The following DNAH9 variants were observed in gnomAD, a reference collection of about 807,000 sequenced individuals.
DNAH9 encodes the protein DNAH9 variant protein.
In DNAH9, 345 loss-of-function variants were observed where a neutral mutation model predicts 471.6. The observed-to-expected ratio is 0.73, with a 90% CI of 0.67 to 0.80. The LOEUF is 0.80. Ranked by LOEUF, DNAH9 falls within the 30% of genes least tolerant of loss-of-function variation. The pLI, the probability that DNAH9 is intolerant of heterozygous loss-of-function variation, is 0.00. For synonymous variants in DNAH9, 2,093 were observed against 2,123.6 expected, an observed-to-expected ratio of 0.99 and a Z score of 0.40; for missense variants, 5,407 against 5,609.2, an observed-to-expected ratio of 0.96 and a Z score of 1.15.
In DNAH9 at chr17:11,822,484, G is replaced by A. The variant is rs762475800; in HGVS notation, c.8897G>A (p.Ser2966Asn). ...SPVGNKLRVR[S>N]RKFPAIVNCT... ...GTGGGAAACAAGCTAAGAGTCCGCA[G>A]CAGGAAGTTCCCAGCCATTGTGAAC... is the stretch of plus-strand genomic sequence containing the variant. The change falls in exon 47 of 69, where the codon AGC (serine) becomes AAC (asparagine). Residue 2966 changes from serine (S) to asparagine (N), a missense_variant. Ser to Asn is a conservative substitution (Grantham distance 46). Around this residue, in one of 3 missense-constraint regions of DNAH9, gnomAD observed 4,636 missense variants for 4,900.3 expected, o/e 0.95. Coordinates refer to ENST00000262442, the MANE Select transcript of DNAH9 (RefSeq NM_001372.4). The A allele has an allele frequency of 1.2e-6, 2 of 1,614,178 alleles. No homozygotes were observed. The highest frequency in any genetic ancestry group is 1.7e-5 in the Admixed American group (1 of 60,022).
Position 11,787,880 on chromosome 17 carries a change from T to C in DNAH9, c.8061+3341T>C, listed in dbSNP as rs576106506. Among the ~76,000 whole-genome samples, 491 of 152,312 alleles carry C rather than the reference T, an allele frequency of 3.2e-3. 4 individuals are homozygous for C. Among genetic ancestry groups the C allele is most frequent in the Middle Eastern group, 0.014 (4 of 294 alleles). On this transcript the variant is annotated intron_variant, in intron 41 of 68. Coordinates refer to ENST00000262442, the MANE Select transcript of DNAH9 (RefSeq NM_001372.4). ...GCCACCACCATGTAAGAAGTGCCTTTTGCCTCCCACCGTGGTTCTGAGGCC... is the reference window on the plus strand; with the variant it reads ...GCCACCACCATGTAAGAAGTGCCTTCTGCCTCCCACCGTGGTTCTGAGGCC...
chr17:11,638,695 A>T (rs1003921097), intron 9 of DNAH9, among the ~76,000 whole-genome samples: 1 of 152,070 alleles, frequency 6.6e-6, no homozygotes, highest in Non-Finnish European at 1.5e-5. Flanking sequence ...CTCAGCTCAC[A>T]CTTCTGTAGG....
chr17:11,825,110 C>A (rs951583528), intron 48 of DNAH9, among the ~76,000 whole-genome samples: 1 of 152,258 alleles, frequency 6.6e-6, no homozygotes, highest in Non-Finnish European at 1.5e-5. Context: ...AAAACCTCTT[C>A]TTAGGATTCC....
rs907744162 is a variant in DNAH9, at chr17:11,652,653, A to T, written c.2354-108A>T. On this transcript the variant is annotated intron_variant, in intron 13 of 68. Coordinates refer to ENST00000262442, the MANE Select transcript of DNAH9 (RefSeq NM_001372.4). ...GATAATGAAGTTACCTGTGTAGAAA[A>T]GTCTTATAACACTCGCAAGTATTAA... 4 of 1,053,434 alleles carry T rather than the reference A, an allele frequency of 3.8e-6. No individual in the cohort carries two copies. The African/African-American group carries it at 6.4e-5, about 17-fold the overall frequency. The allele number at this position is 1,053,434 out of a possible 1,614,324, so 65.3% of individuals were successfully genotyped here.
intron 19 of DNAH9, among the ~76,000 whole-genome samples, chr17:11,689,334 A>T (rs868365289): frequency 6.6e-6 from 1 of 150,834 alleles, no homozygotes. Flanking sequence ...CCTTCTTCCA[A>T]TGCCCACTCC....
chr17:11,758,097 C>A (rs1247568389), intron 35 of DNAH9, among the ~76,000 whole-genome samples: 2 of 152,114 alleles, frequency 1.3e-5, no homozygotes, highest in Non-Finnish European at 2.9e-5. Flanking sequence ...TTATTGGTGA[C>A]CTGTGGGGCC....
At chr17:11,827,768 C>A (rs897847496) in intron 48 of DNAH9, among the ~76,000 whole-genome samples, 1 of 152,042 alleles carries the variant, frequency 6.6e-6, no homozygotes, top group Non-Finnish European at 1.5e-5. Flanking sequence ...TCACCGCAAC[C>A]TCCGCCTCCC....
chr17:11,823,929 C>CAA (rs369941815), intron 48 of DNAH9, among the ~76,000 whole-genome samples: 5 of 128,714 alleles, frequency 3.9e-5, no homozygotes, highest in African/African-American at 1.4e-4. Context: ...GACTCCATCT[C>CAA]AAAAAAAAAA....
intron 35 of DNAH9, among the ~76,000 whole-genome samples, chr17:11,763,055 C>T (rs996666005): frequency 6.6e-6 from 1 of 151,868 alleles, no homozygotes; most frequent in African/African-American, 2.4e-5. Context: ...CTGGGATTAC[C>T]GTTGAGGTGC....
At chr17:11,805,523 CTTTTTTTTTTTTTTTTTTTTTTT>C (rs773842478) in intron 43 of DNAH9, among the ~76,000 whole-genome samples, 30 of 52,090 alleles carry the variant, frequency 5.8e-4, no homozygotes, top group South Asian at 4.2e-3. Context: ...TACCCGAGTT[CTTTTTTTTTTTTTTTTTTTTTTT>C]TTTTTTTTTT....
chr17:11,851,524 C>A (rs557089944), intron 49 of DNAH9, among the ~76,000 whole-genome samples: 1 of 152,256 alleles, frequency 6.6e-6, no homozygotes, highest in African/African-American at 2.4e-5. Flanking sequence ...AGTCAATACA[C>A]TGAAAGAAGG....
chr17:11,905,930 A>C (rs571076122), intron 61 of DNAH9, 121 bp downstream of exon 61: 5 of 1,273,940 alleles, frequency 3.9e-6, no homozygotes, highest in Non-Finnish European at 5.2e-6. Context: ...CAAATCATAC[A>C]GAAGTCAGGG....
intron 7 of DNAH9, among the ~76,000 whole-genome samples, chr17:11,631,377 A>G (rs1047047222): frequency 1.1e-4 from 16 of 152,162 alleles, no homozygotes; most frequent in African/African-American, 3.4e-4. Context: ...AGTTGGCCAG[A>G]CCCAGGAAGA....
chr17:11,929,953 T>C lies in DNAH9; in HGVS notation c.11965T>C (p.Phe3989Leu). The change falls in exon 63 of 69, where the codon TTC (phenylalanine) becomes CTC (leucine). Residue 3989 changes from phenylalanine (F) to leucine (L), a missense_variant. Phe to Leu is a conservative substitution (Grantham distance 22). Around this residue, in one of 3 missense-constraint regions of DNAH9, gnomAD observed 4,636 missense variants for 4,900.3 expected, o/e 0.95. Transcript: ENST00000262442. ...SENSHPEFRVFMSAEPAPSPE... is the reference protein window; with the variant it reads ...SENSHPEFRVLMSAEPAPSPE... ...GAACAGCCACCCAGAGTTCAGGGTC[T>C]TCATGAGTGCAGAGCCAGCACCCTC... is the stretch of plus-strand genomic sequence containing the variant. 6.2e-7 allele frequency: 1 copy of C among 1,613,968 alleles called. No homozygotes were observed. Among genetic ancestry groups the C allele is most frequent in the Non-Finnish European group, 8.5e-7 (1 of 1,179,958 alleles).
At chr17:11,742,482 T>C (rs2075446996) in intron 30 of DNAH9, among the ~76,000 whole-genome samples, 169 bp downstream of exon 30, 1 of 152,216 alleles carries the variant, frequency 6.6e-6, no homozygotes, top group South Asian at 2.1e-4. Context: ...ATGATTTATG[T>C]TCACTTTTTT....
rs186946259 is a variant in DNAH9, at chr17:11,763,014, C to T, written c.6996-426C>T. Among the ~76,000 whole-genome samples, 388 of 152,030 alleles carry T rather than the reference C, an allele frequency of 2.6e-3. 3 individuals are homozygous for T. Among genetic ancestry groups the T allele is most frequent in the African/African-American group, 8.5e-3 (352 of 41,462 alleles). ...CAGAATGGTCTCGATCTCCTGACCT[C>T]GTGATCCTCCCTCCTCAGCCTCCCA... is the stretch of plus-strand genomic sequence containing the variant. On this transcript the variant is annotated intron_variant, in intron 35 of 68. Coordinates refer to ENST00000262442, the MANE Select transcript of DNAH9 (RefSeq NM_001372.4).
At chr17:11,913,564 C>T (rs1419743830) in intron 61 of DNAH9, among the ~76,000 whole-genome samples, 2 of 152,048 alleles carry the variant, frequency 1.3e-5, no homozygotes, top group Non-Finnish European at 2.9e-5. Flanking sequence ...GAGCGGATCA[C>T]GAGGTCAGGA....
Position 11,623,384 on chromosome 17 carries a change from C to G in DNAH9, c.1350+3603C>G, listed in dbSNP as rs2072911979. 6.6e-6 allele frequency among the ~76,000 whole-genome samples: 1 copy of G among 152,038 alleles called. No individual in the cohort carries two copies. Among genetic ancestry groups the G allele is most frequent in the African/African-American group, 2.4e-5 (1 of 41,412 alleles). On this transcript the variant is annotated intron_variant, in intron 6 of 68. Transcript: ENST00000262442. This position sits in a 1 kb window ranked among gnomAD's most constrained non-coding sequence, Gnocchi z 4.1. ...TTCTCCTTCTCTATTTTCTAACTTCCCTGACCTCTTTGTTTGCCCTGAATT... is the reference window on the plus strand; with the variant it reads ...TTCTCCTTCTCTATTTTCTAACTTCGCTGACCTCTTTGTTTGCCCTGAATT...
At chr17:11,857,873 G>T (rs1971682948) in intron 50 of DNAH9, among the ~76,000 whole-genome samples, 1 of 152,124 alleles carries the variant, frequency 6.6e-6, no homozygotes, top group Non-Finnish European at 1.5e-5. Context: ...ATGTGCTCCT[G>T]CTTTGCCTTC....
Sources: allele counts gnomAD v4.1 joint callset (sites outside exome capture counted in the v4.1 genomes callset), GRCh38; gene constraint gnomAD v4.1.1; regional missense constraint gnomAD v4.1.1; non-coding constraint Gnocchi (gnomAD v3.1); transcripts MANE v1.5; gene names NCBI Gene and HGNC (gene_info 2026-07-23, HGNC 2026-07-21).